Variants in ITGA8 observed in about 807,000 individuals in gnomAD.
The protein encoded by ITGA8 is integrin alpha-8.
ITGA8 carries 91 observed loss-of-function variants against 142.3 expected under a neutral mutation model. The ratio of observed to expected loss-of-function variants is 0.64; its 90% confidence interval spans 0.54 to 0.76. ITGA8 has a LOEUF of 0.76. Ranked by LOEUF, ITGA8 falls within the 30% of genes least tolerant of loss-of-function variation. The pLI is 0.00. For synonymous variants in ITGA8, 505 were observed against 485.2 expected (o/e 1.04, Z -0.54); for missense variants, 1,406 against 1,327.7 (o/e 1.06, Z -0.92).
intron 2 of ITGA8, among the ~76,000 whole-genome samples, chr10:15,704,353 A>T (rs934203660): frequency 6.6e-6 from 1 of 152,088 alleles, no homozygotes; most frequent in Non-Finnish European, 1.5e-5. Context: ...GCACCTGCTA[A>T]TTTTTTTAGT....
intron 27 of ITGA8, among the ~76,000 whole-genome samples, chr10:15,535,319 T>C (rs7069084): frequency 0.2 from 30,161 of 152,118 alleles, 4,038 homozygotes; most frequent in African/African-American, 0.38. Flanking sequence ...CTGAGGAGTG[T>C]GGGCACAGGG....
intron 27 of ITGA8, among the ~76,000 whole-genome samples, chr10:15,533,870 T>A (rs1304098109): frequency 1.3e-5 from 2 of 152,108 alleles, no homozygotes; most frequent in African/African-American, 2.4e-5. Context: ...TGCTGTTGGC[T>A]GCAGTTTGAT....
intron 22 of ITGA8, among the ~76,000 whole-genome samples, 171 bp downstream of exon 22, chr10:15,592,054 T>C (rs940313736): frequency 1.3e-5 from 2 of 152,186 alleles, no homozygotes; most frequent in Non-Finnish European, 2.9e-5. Context: ...CCCTAAAATG[T>C]TGAAATTACT....
chr10:15,684,594 A>G (rs773829517), intron 3 of ITGA8, among the ~76,000 whole-genome samples: 2 of 152,118 alleles, frequency 1.3e-5, no homozygotes, highest in South Asian at 4.1e-4. Flanking sequence ...ACTGGTCTCA[A>G]TCTCCTGGGC....
intron 17 of ITGA8, among the ~76,000 whole-genome samples, 159 bp from the exon 18 acceptor site, chr10:15,606,581 A>G (rs1833201204): frequency 6.6e-6 from 1 of 152,196 alleles, no homozygotes; most frequent in Non-Finnish European, 1.5e-5. Flanking sequence ...TATGTGGTAT[A>G]TAGTAGCCAG....
intron 12 of ITGA8, 138 bp from the exon 13 acceptor site, chr10:15,644,359 C>G (rs189266513): frequency 2.9e-6 from 2 of 694,840 alleles, no homozygotes; most frequent in African/African-American, 3.6e-5. Flanking sequence ...CCCCACACTC[C>G]CGGACTCAAG....
At chr10:15,640,716 A>T (rs1004793384) in intron 13 of ITGA8, among the ~76,000 whole-genome samples, 17 of 152,224 alleles carry the variant, frequency 1.1e-4, no homozygotes, top group Non-Finnish European at 2.5e-4. Context: ...GATAAGCCTG[A>T]GGGCAATCAC....
At chr10:15,661,505 G>C (rs1301676399) in intron 8 of ITGA8, among the ~76,000 whole-genome samples, 2 of 123,700 alleles carry the variant, frequency 1.6e-5, no homozygotes, top group Non-Finnish European at 3.8e-5. Flanking sequence ...AAAAACAGAA[G>C]TCATACTTTG....
intron 27 of ITGA8, among the ~76,000 whole-genome samples, chr10:15,543,195 C>T (rs990977614): frequency 2.0e-5 from 3 of 152,174 alleles, no homozygotes; most frequent in Non-Finnish European, 1.5e-5. Context: ...TGAACACAAC[C>T]AGGCAGGAAT....
intron 13 of ITGA8, among the ~76,000 whole-genome samples, chr10:15,626,983 G>T (rs1833595541): frequency 6.6e-6 from 1 of 152,152 alleles, no homozygotes; most frequent in African/African-American, 2.4e-5. Context: ...GGAAGAACAG[G>T]TACACAGGTG....
chr10:15,583,442 A>T (rs1454955441), intron 23 of ITGA8, among the ~76,000 whole-genome samples: 1 of 152,202 alleles, frequency 6.6e-6, no homozygotes, highest in African/African-American at 2.4e-5. Context: ...GCAGCAAACC[A>T]TCATGGCACT....
At chr10:15,529,913 G>A (rs1833255250) in intron 28 of ITGA8, among the ~76,000 whole-genome samples, 1 of 152,214 alleles carries the variant, frequency 6.6e-6, no homozygotes, top group Non-Finnish European at 1.5e-5. Context: ...GTAGTTCTAA[G>A]AACCTCCCAG....
At chr10:15,666,760 G>A (rs1188704471) in intron 8 of ITGA8, among the ~76,000 whole-genome samples, 1 of 152,162 alleles carries the variant, frequency 6.6e-6, no homozygotes, top group East Asian at 1.9e-4. Flanking sequence ...GGCCTTTTCT[G>A]CATCTATTGA....
rs916525756 is a variant in ITGA8 at position 15,607,625 on chromosome 10, G to T, written c.1764+52C>A. ...GATGGTTAAATGGAGAAAAATGGTT[G>T]GAATTTGGATATGAAGGAGAGAGGC... On this transcript the variant is annotated intron_variant, in intron 17 of 29. Transcript: ENST00000378076. 4 of 1,543,166 alleles carry T rather than the reference G, an allele frequency of 2.6e-6. No homozygotes were observed. The Admixed American group carries it at 5.0e-5, about 19-fold the overall frequency.
At chr10:15,556,066 T>C (rs540020000) in intron 26 of ITGA8, among the ~76,000 whole-genome samples, 2 of 100,074 alleles carry the variant, frequency 2.0e-5, no homozygotes, top group Admixed American at 2.2e-4. Flanking sequence ...TCACTCTGTC[T>C]CCCAGGCTGG....
At chr10:15,600,307 A>T (rs1255381011) in intron 20 of ITGA8, among the ~76,000 whole-genome samples, 1 of 152,246 alleles carries the variant, frequency 6.6e-6, no homozygotes, top group Non-Finnish European at 1.5e-5. Flanking sequence ...AGTTCATAGC[A>T]GTTGTTCAGT....
intron 3 of ITGA8, among the ~76,000 whole-genome samples, chr10:15,687,725 C>G (rs1017223387): frequency 6.6e-6 from 1 of 152,294 alleles, no homozygotes; most frequent in East Asian, 1.9e-4. Context: ...TTTAACTGCT[C>G]TTCTGGAAAA....
intron 2 of ITGA8, among the ~76,000 whole-genome samples, chr10:15,714,186 A>G (rs1835410537): frequency 6.6e-6 from 1 of 152,214 alleles, no homozygotes; most frequent in Admixed American, 6.5e-5. Flanking sequence ...TTTGCTCTTC[A>G]TTATTCCAAA....
intron 19 of ITGA8, among the ~76,000 whole-genome samples, chr10:15,604,781 G>A (rs969392344): frequency 3.5e-4 from 53 of 152,096 alleles, no homozygotes; most frequent in African/African-American, 1.2e-3. Context: ...GAAGAAAATG[G>A]GCAATGGAAT....
Sources: allele counts gnomAD v4.1 joint callset (sites outside exome capture counted in the v4.1 genomes callset), GRCh38; gene constraint gnomAD v4.1.1; transcripts MANE v1.5; gene names NCBI Gene and HGNC (gene_info 2026-07-23, HGNC 2026-07-21).